MARCHF1: variants seen among roughly 807,000 people sequenced by gnomAD.
MARCHF1 encodes E3 ubiquitin-protein ligase MARCHF1.
Under a neutral mutation model 54.2 loss-of-function variants are expected in MARCHF1, and 40 were observed. That is an observed-to-expected ratio of 0.74 (90% CI 0.57 to 0.96). The LOEUF (loss-of-function observed/expected upper bound fraction) is 0.96. Ranked by LOEUF, MARCHF1 falls within the 40% of genes least tolerant of loss-of-function variation. The pLI is 0.00. For missense variants in MARCHF1, 586 were observed against 656.5 expected, an observed-to-expected ratio of 0.89 and a Z score of 1.17; for synonymous variants, 236 against 236.3, an observed-to-expected ratio of 1.00 and a Z score of 0.01.
chr4:163,878,745 A>C (rs769675707), intron 3 of MARCHF1, among the ~76,000 whole-genome samples: 3 of 152,170 alleles, frequency 2.0e-5, no homozygotes, highest in Non-Finnish European at 4.4e-5. Context: ...TTAAAAACTA[A>C]ATTATGGGTA....
intron 4 of MARCHF1, among the ~76,000 whole-genome samples, chr4:163,787,289 G>A (rs1449564571): frequency 6.6e-6 from 1 of 151,312 alleles, no homozygotes. Flanking sequence ...AAGTGAAAAG[G>A]CAATGTAAAA....
Position 163,529,056 on chromosome 4 carries a change from G to A in MARCHF1, c.1340-10C>T. ...GGCCATTCAAGGACACCTTTGAAAT[G>A]AAAAAGAGAAAATGTTATCACCAAG... On this transcript the variant is annotated splice_polypyrimidine_tract_variant and intron_variant, in intron 9 of 9. Coordinates refer to ENST00000514618, the MANE Select transcript of MARCHF1 (RefSeq NM_001394959.1). 4 of 1,576,676 alleles carry A rather than the reference G, an allele frequency of 2.5e-6. No individual in the cohort carries two copies. The highest frequency in any genetic ancestry group is 2.3e-5 in the East Asian group (1 of 44,134).
At chr4:164,265,942 T>C (rs1003289845) in intron 1 of MARCHF1, among the ~76,000 whole-genome samples, 2 of 152,204 alleles carry the variant, frequency 1.3e-5, no homozygotes, top group African/African-American at 4.8e-5. Context: ...AAATTTATAA[T>C]TTTAAAATAA....
chr4:164,185,442 T>G lies in MARCHF1; in HGVS notation c.-322-73780A>C, dbSNP rs144908986. 5.9e-5 allele frequency among the ~76,000 whole-genome samples: 9 copies of G among 152,310 alleles called. No individual in the cohort carries two copies. The East Asian group carries it at 1.7e-3, about 29-fold the overall frequency. On this transcript the variant is annotated intron_variant, in intron 1 of 9. Transcript: ENST00000514618. ...AGTCTTGAGTCCTGCACATGTCAAA[T>G]AAGTTTTATCTAATATGTTACCATA...
At chr4:163,656,548 C>A (rs147648545) in intron 5 of MARCHF1, among the ~76,000 whole-genome samples, 573 of 152,176 alleles carry the variant, frequency 3.8e-3, no homozygotes, top group Middle Eastern at 6.8e-3. Flanking sequence ...CTCCTTAACT[C>A]ATTTTATGAG....
chr4:163,807,759 AC>A (rs1397826027), intron 4 of MARCHF1, among the ~76,000 whole-genome samples: 1 of 152,076 alleles, frequency 6.6e-6, no homozygotes, highest in Non-Finnish European at 1.5e-5. Flanking sequence ...AGTGAAATAT[AC>A]CCCCAAATAT....
rs534471632 is a variant in MARCHF1 at position 164,119,474 on chromosome 4, G to T, written c.-322-7812C>A. 2.1e-4 allele frequency among the ~76,000 whole-genome samples: 31 copies of T among 145,088 alleles called. 1 individual carries two copies. In the South Asian group the frequency reaches 5.2e-3, roughly 24 times the overall value. ...AATGAGTCAAATATTAAATCAAAAA[G>T]CTAGGAGATAAAGTAAACCAAAAGA... On this transcript the variant is annotated intron_variant, in intron 1 of 9. Coordinates refer to ENST00000514618, the MANE Select transcript of MARCHF1 (RefSeq NM_001394959.1).
chr4:163,716,986 ATTTT>A (rs1161526579), intron 4 of MARCHF1, among the ~76,000 whole-genome samples: 1 of 151,926 alleles, frequency 6.6e-6, no homozygotes, highest in Non-Finnish European at 1.5e-5. Flanking sequence ...ATACACATTT[ATTTT>A]ATTTACTTAT....
intron 5 of MARCHF1, among the ~76,000 whole-genome samples, chr4:163,618,196 T>C (rs755720381): frequency 3.9e-5 from 6 of 152,178 alleles, no homozygotes; most frequent in Non-Finnish European, 7.4e-5. Context: ...GCAGATACTG[T>C]GCCTGAATCC....
At chr4:164,002,574 C>A (rs2110920754) in intron 2 of MARCHF1, among the ~76,000 whole-genome samples, 1 of 151,000 alleles carries the variant, frequency 6.6e-6, no homozygotes. Context: ...TGGGGAAAAT[C>A]AAGACGTTAA....
chr4:164,078,329 G>C (rs1369691825), intron 2 of MARCHF1, among the ~76,000 whole-genome samples: 2 of 152,112 alleles, frequency 1.3e-5, no homozygotes, highest in Non-Finnish European at 2.9e-5. Context: ...GCTGAACAAT[G>C]AGAACACATG....
intron 3 of MARCHF1, among the ~76,000 whole-genome samples, chr4:163,916,341 T>C (rs1048959458): frequency 7.4e-6 from 1 of 135,856 alleles, no homozygotes; most frequent in Non-Finnish European, 1.6e-5. Context: ...ATAAGAGTGA[T>C]GAAAACTGGC....
In MARCHF1 at chr4:164,121,711, C is replaced by T. The variant is rs529966288; in HGVS notation, c.-322-10049G>A. On this transcript the variant is annotated intron_variant, in intron 1 of 9. Coordinates refer to ENST00000514618, the MANE Select transcript of MARCHF1 (RefSeq NM_001394959.1). ...GATCAAAACTCTAGTAAAAAGTCTC[C>T]TAGAAAGAAAAGCGCAGGATCTGTT... 2.0e-4 allele frequency among the ~76,000 whole-genome samples: 31 copies of T among 152,092 alleles called. No homozygotes were observed. The South Asian group carries it at 6.2e-3, about 31-fold the overall frequency.
At chr4:163,563,387 G>T (rs4566616) in intron 8 of MARCHF1, among the ~76,000 whole-genome samples, 141,190 of 152,294 alleles carry the variant, frequency 0.93, 65,527 homozygotes, top group African/African-American at 0.98. Context: ...ATCCTCTGCG[G>T]GTTTAAATGT....
chr4:164,340,280 A>G (rs978363471), intron 1 of MARCHF1, among the ~76,000 whole-genome samples: 1 of 148,342 alleles, frequency 6.7e-6, no homozygotes, highest in Non-Finnish European at 1.5e-5. Flanking sequence ...TCTGTCACCC[A>G]GGCTGGAGTG....
intron 4 of MARCHF1, among the ~76,000 whole-genome samples, chr4:163,745,518 G>A (rs1170957562): frequency 6.6e-6 from 1 of 152,084 alleles, no homozygotes; most frequent in Non-Finnish European, 1.5e-5. Context: ...CTGGAGGAGC[G>A]CCAGGGACAC....
Position 163,588,218 on chromosome 4 carries a change from T to G in MARCHF1, c.1011-2289A>C, listed in dbSNP as rs372085486. On this transcript the variant is annotated intron_variant, in intron 7 of 9. Transcript: ENST00000514618. ...ACTTAGGAAGCAGCCACATTGGGTA[T>G]AGCACCACATATGAAAGGCCAATAT... 4.6e-5 allele frequency among the ~76,000 whole-genome samples: 7 copies of G among 152,262 alleles called. 1 individual carries two copies. The highest frequency in any genetic ancestry group is 1.7e-4 in the African/African-American group (7 of 41,544).
At chr4:163,835,512 G>A (rs1472462361) in intron 4 of MARCHF1, among the ~76,000 whole-genome samples, 3 of 152,144 alleles carry the variant, frequency 2.0e-5, no homozygotes, top group Admixed American at 6.5e-5. Context: ...CCAATATTTC[G>A]AATTGTGTTC....
chr4:163,622,867 G>T (rs1321512606), intron 5 of MARCHF1, among the ~76,000 whole-genome samples: 1 of 152,132 alleles, frequency 6.6e-6, no homozygotes, highest in African/African-American at 2.4e-5. Context: ...GCAAGGCTAG[G>T]CCCTTTCAGC....
Sources: gnomAD v4.1 joint callset for allele counts (sites outside exome capture counted in the v4.1 genomes callset) on GRCh38, gnomAD v4.1.1 for gene constraint, MANE v1.5 for transcripts, NCBI Gene and HGNC (gene_info 2026-07-23, HGNC 2026-07-21) for gene names.